Variants in ATP2B2 observed in about 807,000 individuals in gnomAD.
ATP2B2 encodes ATPase plasma membrane Ca2+ transporting 2.
A neutral mutation model predicts 120.0 loss-of-function variants in ATP2B2; 15 were observed. That is an observed-to-expected ratio of 0.12 (90% CI 0.08 to 0.19). The LOEUF is 0.19. Among genes scored for constraint, ATP2B2 ranks in the 10% least tolerant of loss-of-function variants. ATP2B2 has a pLI of 1.00. For synonymous variants in ATP2B2, 694 were observed against 700.3 expected, an observed-to-expected ratio of 0.99 and a Z score of 0.14; for missense variants, 1,045 against 1,719.8, an observed-to-expected ratio of 0.61 and a Z score of 6.94.
In ATP2B2 at chr3:10,439,466, G is replaced by A. The variant is rs150695202; in HGVS notation, c.199+9879C>T. On this transcript the variant is annotated intron_variant, in intron 2 of 22. Transcript: ENST00000360273. The stretch of plus-strand genomic sequence containing the variant: ...TGGGGCCCCCGCAAAGACCAACTTC[G>A]CCTAAGACCCCTGGGCCAGGCACAT... 9.0e-4 allele frequency among the ~76,000 whole-genome samples: 137 copies of A among 152,194 alleles called. 1 individual carries two copies. Among genetic ancestry groups the A allele is most frequent in the East Asian group, 6.4e-3 (33 of 5,164 alleles).
intron 14 of ATP2B2, among the ~76,000 whole-genome samples, chr3:10,354,836 C>T (rs1265069131): frequency 6.6e-6 from 1 of 152,238 alleles, no homozygotes; most frequent in Non-Finnish European, 1.5e-5. Flanking sequence ...GAGGTTTTCC[C>T]TCTGGCTGAG....
chr3:10,643,414 C>T lies in ATP2B2; in HGVS notation c.-459-23453G>A, dbSNP rs1157662714. Among the ~76,000 whole-genome samples the T allele has an allele frequency of 3.3e-5, 5 of 152,284 alleles. No homozygotes were observed. In the East Asian group the frequency reaches 7.7e-4, roughly 23 times the overall value. ...CAATGAAGGCCAAGCCTAGGGGAAA[C>T]TTTGTGGAGAAGCAGCATTATTTAC... On this transcript the variant is annotated intron_variant, in intron 1 of 21. Transcript: ENST00000646379.
intron 1 of ATP2B2, among the ~76,000 whole-genome samples, chr3:10,630,529 T>TCCA (rs375991819): frequency 4.9e-4 from 74 of 152,244 alleles, no homozygotes; most frequent in African/African-American, 1.5e-3. Flanking sequence ...TTCATAGTAT[T>TCCA]CCATGGTGTA....
upstream of ATP2B2, among the ~76,000 whole-genome samples, chr3:10,509,125 G>A (rs760466285): frequency 7.2e-5 from 11 of 152,144 alleles, no homozygotes; most frequent in South Asian, 2.1e-4. Context: ...GAGGCTCTCT[G>A]CACAAGGGCA....
At chr3:10,678,018 G>T (rs1344996566) in intron 1 of ATP2B2, among the ~76,000 whole-genome samples, 1 of 152,110 alleles carries the variant, frequency 6.6e-6, no homozygotes, top group African/African-American at 2.4e-5. Flanking sequence ...TACTGTCCAA[G>T]GTCACACAGC....
chr3:10,564,522 T>A (rs1365018818), intron 2 of ATP2B2, among the ~76,000 whole-genome samples: 1 of 149,836 alleles, frequency 6.7e-6, no homozygotes, highest in Non-Finnish European at 1.5e-5. Flanking sequence ...TGTCTCCCCC[T>A]GTCTAAAACG....
At chr3:10,469,204 G>C (rs1202637404) in intron 1 of ATP2B2, among the ~76,000 whole-genome samples, 2 of 152,212 alleles carry the variant, frequency 1.3e-5, no homozygotes, top group Non-Finnish European at 2.9e-5. Flanking sequence ...TAAAATTAAT[G>C]ATAATAAGCT....
chr3:10,366,677 AGG>A (rs2061068820), intron 12 of ATP2B2, among the ~76,000 whole-genome samples: 1 of 152,174 alleles, frequency 6.6e-6, no homozygotes, highest in African/African-American at 2.4e-5. Flanking sequence ...TGGGCAGAAC[AGG>A]GGGATGTTTT....
rs149328739 is a variant in ATP2B2 at position 10,449,368 on chromosome 3, C to T, written c.176G>A (p.Arg59His). The T allele has an allele frequency of 7.1e-5, 114 of 1,614,216 alleles. No homozygotes were observed. Among genetic ancestry groups the T allele is most frequent in the South Asian group, 1.8e-4 (16 of 91,088 alleles). The part of the protein sequence containing the change: ...TYGDTEAICR[R>H]LKTSPVEGLP... Reference sequence around the variant, plus strand: ...ACCTTCAACAGGTGAGGTTTTGAGGCGCCGGCAGATGGCTTCGGTGTCCCC... The same window carrying T: ...ACCTTCAACAGGTGAGGTTTTGAGGTGCCGGCAGATGGCTTCGGTGTCCCC... Residue 59 changes from arginine (R) to histidine (H), a missense_variant, in exon 2 of 23, where the codon CGC (arginine) becomes CAC (histidine). By Grantham distance (29) the Arg-to-His change is conservative. Transcript: ENST00000360273.
chr3:10,483,949 C>T (rs766300590), intron 1 of ATP2B2, among the ~76,000 whole-genome samples: 2 of 152,104 alleles, frequency 1.3e-5, no homozygotes, highest in East Asian at 1.9e-4. Flanking sequence ...GGTCTCCCCT[C>T]GAGGGATTCA....
chr3:10,429,601 A>G (rs1575200023), intron 2 of ATP2B2, among the ~76,000 whole-genome samples: 2 of 152,200 alleles, frequency 1.3e-5, no homozygotes, highest in East Asian at 3.9e-4. Flanking sequence ...CTGTCTCTCC[A>G]TCTCCTTGGG....
At chr3:10,655,311 G>A (rs2070588041) in intron 1 of ATP2B2, among the ~76,000 whole-genome samples, 1 of 102,052 alleles carries the variant, frequency 9.8e-6, no homozygotes, top group Non-Finnish European at 1.7e-5. Flanking sequence ...GTGCCTCTGA[G>A]TTTGTCAACG....
At chr3:10,663,452 G>A (rs2070841976) in intron 1 of ATP2B2, among the ~76,000 whole-genome samples, 1 of 152,136 alleles carries the variant, frequency 6.6e-6, no homozygotes, top group East Asian at 1.9e-4. Context: ...CTCTAGTAGG[G>A]CAGCTGCAAG....
chr3:10,364,032 G>T (rs1298680335), intron 12 of ATP2B2, among the ~76,000 whole-genome samples: 2 of 152,166 alleles, frequency 1.3e-5, no homozygotes, highest in Non-Finnish European at 2.9e-5. Context: ...TCCATACAAT[G>T]GACTATTACT....
At position 10,356,153 on chromosome 3, in the gene ATP2B2, T is replaced by C. The variant is rs546681792; in HGVS notation, c.2136+2538A>G. ...ACTTGTCCTTTCCTTTGTGCGTGTG[T>C]GCGTGTGTGTGTGTGTGTGTGTGTG... On this transcript the variant is annotated intron_variant, in intron 14 of 22. Coordinates refer to ENST00000360273, the MANE Select transcript of ATP2B2 (RefSeq NM_001001331.4). Among the ~76,000 whole-genome samples the C allele has an allele frequency of 1.9e-3, 128 of 68,736 alleles. 30 individuals carry two copies. The highest frequency in any genetic ancestry group is 5.5e-3 in the African/African-American group (122 of 22,142). The allele number at this position is 68,736 out of a possible 152,430, so 45.1% of individuals were successfully genotyped here. A position where few individuals can be genotyped will look rare whatever the true frequency, so the allele number is the denominator to read the frequency against.
intron 1 of ATP2B2, among the ~76,000 whole-genome samples, chr3:10,646,667 C>T (rs1445727750): frequency 5.3e-5 from 8 of 151,980 alleles, no homozygotes; most frequent in African/African-American, 7.3e-5. Flanking sequence ...CTGACTACAG[C>T]GAGGAAGCAG....
chr3:10,385,983 T>C (rs2061665956), intron 7 of ATP2B2, among the ~76,000 whole-genome samples: 1 of 152,232 alleles, frequency 6.6e-6, no homozygotes, highest in Non-Finnish European at 1.5e-5. Flanking sequence ...AAGGCACTAG[T>C]GAATTTTTCT....
chr3:10,350,532 G>C lies in ATP2B2; in HGVS notation c.2182C>G (p.Arg728Gly). 6.2e-7 allele frequency: 1 copy of C among 1,614,086 alleles called. No individual in the cohort carries two copies. Among genetic ancestry groups the C allele is most frequent in the Non-Finnish European group, 8.5e-7 (1 of 1,180,034 alleles). The change falls in exon 15 of 23, where the codon CGC becomes GGC. Residue 728 changes from arginine (R) to glycine (G), a missense_variant. Arg to Gly is a moderately radical substitution (Grantham distance 125). Transcript: ENST00000360273. The part of the protein sequence containing the change: ...RKCQRAGITV[R>G]MVTGDNINTA... ...TTGATATTGTCGCCAGTGACCATGC[G>C]GACCGTGATGCCTGCCCGCTGGCAC...
intron 2 of ATP2B2, among the ~76,000 whole-genome samples, chr3:10,541,178 C>T (rs559139125): frequency 8.5e-5 from 13 of 152,152 alleles, no homozygotes; most frequent in South Asian, 2.1e-4. Context: ...GTTAGTTTTG[C>T]TAGAATTTTT....
Sources: gnomAD v4.1 joint callset for allele counts (sites outside exome capture counted in the v4.1 genomes callset) on GRCh38, gnomAD v4.1.1 for gene constraint, MANE v1.5 for transcripts, NCBI Gene and HGNC (gene_info 2026-07-23, HGNC 2026-07-21) for gene names.